Variants in SLC39A11 observed in about 807,000 individuals in gnomAD.
The protein encoded by SLC39A11 is zinc transporter ZIP11.
A neutral mutation model predicts 36.1 loss-of-function variants in SLC39A11; 33 were observed. That is an observed-to-expected ratio of 0.91 (90% CI 0.69 to 1.22). The LOEUF is 1.22. Among genes scored for constraint, SLC39A11 ranks in the 50% most tolerant of loss-of-function variants. The pLI is 0.00. For synonymous variants in SLC39A11, 166 were observed against 170.3 expected (o/e 0.97, Z 0.20); for missense variants, 432 against 430.3 (o/e 1.00, Z -0.03).
intron 4 of SLC39A11, among the ~76,000 whole-genome samples, chr17:72,982,864 T>C (rs1023923000): frequency 5.3e-5 from 8 of 152,348 alleles, no homozygotes; most frequent in Admixed American, 2.0e-4. Context: ...AATGAACAAC[T>C]GACTCAGGTT....
chr17:73,074,864 A>C (rs1458834517), intron 3 of SLC39A11, among the ~76,000 whole-genome samples: 1 of 152,212 alleles, frequency 6.6e-6, no homozygotes, highest in Non-Finnish European at 1.5e-5. Flanking sequence ...TTTCACGCCT[A>C]GAAGTAAGTT....
intron 6 of SLC39A11, among the ~76,000 whole-genome samples, chr17:72,780,402 C>T (rs1449615564): frequency 6.6e-6 from 1 of 151,954 alleles, no homozygotes; most frequent in African/African-American, 2.4e-5. Flanking sequence ...CAGAAGCACT[C>T]GTCAATGTCA....
At position 72,844,981 on chromosome 17, in the gene SLC39A11, G is replaced by A. The variant is rs2078986067; in HGVS notation, c.601+4653C>T. On this transcript the variant is annotated intron_variant, in intron 6 of 9. Coordinates refer to ENST00000255559, the MANE Select transcript of SLC39A11 (RefSeq NM_139177.4). ...TCTCATATCCCACATCCAATCCATCGGCAAATCCCATTGGCTCCACCTTCA... is the reference window on the plus strand; with the variant it reads ...TCTCATATCCCACATCCAATCCATCAGCAAATCCCATTGGCTCCACCTTCA... Among the ~76,000 whole-genome samples the A allele has an allele frequency of 5.9e-5, 9 of 152,194 alleles. 1 individual carries two copies. The highest frequency in any genetic ancestry group is 4.2e-4 in the South Asian group (2 of 4,816).
chr17:72,682,804 C>T (rs1318950454), intron 7 of SLC39A11, among the ~76,000 whole-genome samples: 1 of 152,232 alleles, frequency 6.6e-6, no homozygotes, highest in East Asian at 1.9e-4. Flanking sequence ...CTACTATCTT[C>T]TTATCAGTCC....
intron 5 of SLC39A11, among the ~76,000 whole-genome samples, chr17:72,850,445 C>A (rs1441958539): frequency 7.0e-6 from 1 of 143,506 alleles, no homozygotes; most frequent in Non-Finnish European, 1.5e-5. Context: ...CAGAGTAAGA[C>A]CCTGTCTCAA....
At chr17:72,846,086 G>A (rs771142233) in intron 6 of SLC39A11, among the ~76,000 whole-genome samples, 12 of 134,506 alleles carry the variant, frequency 8.9e-5, no homozygotes, top group Non-Finnish European at 1.7e-4. Flanking sequence ...CTGCAGTGCA[G>A]TAGCATGATC....
intron 6 of SLC39A11, among the ~76,000 whole-genome samples, chr17:72,806,741 C>T (rs2077269876): frequency 6.6e-6 from 1 of 152,154 alleles, no homozygotes; most frequent in Non-Finnish European, 1.5e-5. Context: ...CGTCACCATG[C>T]CGGGCTAATT....
intron 5 of SLC39A11, among the ~76,000 whole-genome samples, chr17:72,937,658 C>T (rs138904633): frequency 1.3e-5 from 2 of 152,188 alleles, no homozygotes; most frequent in African/African-American, 4.8e-5. Context: ...TACAAAACGA[C>T]CTCATATTTG....
chr17:72,788,303 T>C (rs1388141929), intron 6 of SLC39A11, among the ~76,000 whole-genome samples: 2 of 152,234 alleles, frequency 1.3e-5, no homozygotes, highest in Non-Finnish European at 2.9e-5. Flanking sequence ...ACACTGCCTG[T>C]CCCAGCTGGG....
At chr17:72,649,644 C>CTTTT (rs5821920) in intron 7 of SLC39A11, among the ~76,000 whole-genome samples, 1 of 138,200 alleles carries the variant, frequency 7.2e-6, no homozygotes, top group African/African-American at 2.7e-5. Flanking sequence ...TTTTCTTTTT[C>CTTTT]TTTTTTTTTT....
chr17:72,706,983 G>C (rs539270149), intron 7 of SLC39A11, among the ~76,000 whole-genome samples: 5 of 152,320 alleles, frequency 3.3e-5, no homozygotes, highest in African/African-American at 1.2e-4. Flanking sequence ...GGTAGCCATG[G>C]GTTATGTGTG....
intron 7 of SLC39A11, among the ~76,000 whole-genome samples, chr17:72,717,728 G>C (rs927839435): frequency 6.6e-6 from 1 of 152,162 alleles, no homozygotes; most frequent in African/African-American, 2.4e-5. Flanking sequence ...CAGGTCCTGG[G>C]GATTAAGACT....
intron 4 of SLC39A11, among the ~76,000 whole-genome samples, chr17:72,952,374 G>A (rs548549467): frequency 6.6e-5 from 10 of 152,294 alleles, no homozygotes; most frequent in Non-Finnish European, 1.3e-4. Context: ...CGCTTTGCTA[G>A]CTTTATCATA....
Position 72,764,470 on chromosome 17 carries a change from G to A in SLC39A11, c.602-27751C>T, listed in dbSNP as rs146548484. 1.2e-3 allele frequency among the ~76,000 whole-genome samples: 185 copies of A among 152,310 alleles called. 2 individuals are homozygous for A. The highest frequency in any genetic ancestry group is 2.6e-4 in the Non-Finnish European group (18 of 68,018). Reference sequence around the variant, plus strand: ...AAGTGGCTCCCCATGGTGGGTAACTGTAGGATTGGTTAGGGGCACTGGGTC... The same window carrying A: ...AAGTGGCTCCCCATGGTGGGTAACTATAGGATTGGTTAGGGGCACTGGGTC... On this transcript the variant is annotated intron_variant, in intron 6 of 9. Coordinates refer to ENST00000255559, the MANE Select transcript of SLC39A11 (RefSeq NM_139177.4).
chr17:73,011,560 G>A (rs1171587426), intron 4 of SLC39A11, among the ~76,000 whole-genome samples: 3 of 151,824 alleles, frequency 2.0e-5, no homozygotes, highest in Admixed American at 6.5e-5. Flanking sequence ...AAGATCATTC[G>A]TACAAAAAAA....
chr17:72,862,329 C>A (rs564378643), intron 5 of SLC39A11, among the ~76,000 whole-genome samples: 1 of 152,136 alleles, frequency 6.6e-6, no homozygotes, highest in South Asian at 2.1e-4. Flanking sequence ...CCAAGAAAAA[C>A]GTTGGTTCTG....
chr17:73,057,729 G>A (rs982194402), intron 3 of SLC39A11, among the ~76,000 whole-genome samples: 1 of 152,186 alleles, frequency 6.6e-6, no homozygotes, highest in African/African-American at 2.4e-5. Context: ...CTTGAGGTCA[G>A]GAGTACGAGA....
chr17:72,809,609 G>A (rs758155843), intron 6 of SLC39A11, among the ~76,000 whole-genome samples: 1 of 152,148 alleles, frequency 6.6e-6, no homozygotes, highest in Non-Finnish European at 1.5e-5. Flanking sequence ...ACATCTTGGA[G>A]TAACAGTATG....
At position 72,814,443 on chromosome 17, in the gene SLC39A11, C is replaced by T. The variant is rs1233866931; in HGVS notation, c.601+35191G>A. Among the ~76,000 whole-genome samples, 3 of 152,160 alleles carry T rather than the reference C, an allele frequency of 2.0e-5. No individual in the cohort carries two copies. The East Asian group carries it at 5.8e-4, about 29-fold the overall frequency. On this transcript the variant is annotated intron_variant, in intron 6 of 9. Transcript: ENST00000255559. ...ATGGAGGAGTTCCTCTATACTCAGGCCAAATGAGGGCCACTGCAAGAGACA... is the reference window on the plus strand; with the variant it reads ...ATGGAGGAGTTCCTCTATACTCAGGTCAAATGAGGGCCACTGCAAGAGACA...
Sources: gnomAD v4.1 joint callset for allele counts (sites outside exome capture counted in the v4.1 genomes callset) on GRCh38, gnomAD v4.1.1 for gene constraint, MANE v1.5 for transcripts, NCBI Gene and HGNC (gene_info 2026-07-23, HGNC 2026-07-21) for gene names.